AVEN: variants seen among roughly 807,000 people sequenced by gnomAD.
AVEN encodes cell death regulator Aven.
AVEN carries 41 observed loss-of-function variants against 38.1 expected under a neutral mutation model. The ratio of observed to expected loss-of-function variants is 1.08; its 90% CI spans 0.84 to 1.40. AVEN has a LOEUF of 1.40. AVEN is among the 40% of genes most tolerant of loss of function. The probability of loss-of-function intolerance (pLI) is 0.00; values close to 1 mark genes in which losing one functional copy is unlikely to be tolerated. For synonymous variants in AVEN, 206 were observed against 171.8 expected, an observed-to-expected ratio of 1.20 and a Z score of -1.56; for missense variants, 605 against 438.8, an observed-to-expected ratio of 1.38 and a Z score of -3.38.
Position 33,860,683 on chromosome 15 carries a change from C to G in AVEN, n.2730-1589G>C, listed in dbSNP as rs1429772353. 3.3e-6 allele frequency: 5 copies of G among 1,499,558 alleles called. No individual in the cohort carries two copies. The African/African-American group carries it at 4.2e-5, about 13-fold the overall frequency. The allele number at this position is 1,499,558 out of a possible 1,614,324, so 92.9% of individuals were successfully genotyped here. ...AGGTAATGTTACTCTAACTACTAAT[C>G]CCAGCTCTATTTTAATATCCCCAGA... On this transcript the variant is annotated intron_variant and non_coding_transcript_variant, in intron 11 of 11. Transcript: ENST00000675287.
chr15:33,982,416 A>G (rs1896192777), intron 2 of AVEN, among the ~76,000 whole-genome samples: 1 of 152,168 alleles, frequency 6.6e-6, no homozygotes, highest in Non-Finnish European at 1.5e-5. Flanking sequence ...TAAAAATTAA[A>G]AAAGGAAAAA....
At chr15:34,073,989 C>CTTTTTTTTTTTTTTTTTTTTTTTTT (rs5811818) in intron 1 of AVEN, among the ~76,000 whole-genome samples, 2 of 31,472 alleles carry the variant, frequency 6.4e-5, no homozygotes, top group Non-Finnish European at 9.9e-5. Context: ...TCTTCTTCTT[C>CTTTTTTTTTTTTTTTTTTTTTTTTT]TTTTTTTTTT....
At chr15:34,015,073 A>G (rs1897826205) in intron 1 of AVEN, among the ~76,000 whole-genome samples, 1 of 152,132 alleles carries the variant, frequency 6.6e-6, no homozygotes, top group African/African-American at 2.4e-5. Context: ...TCTCCCTTCT[A>G]AAAGCTGGGA....
intron 5 of AVEN, among the ~76,000 whole-genome samples, chr15:34,049,295 G>A (rs915169027): frequency 1.3e-5 from 2 of 152,156 alleles, no homozygotes; most frequent in African/African-American, 4.8e-5. Flanking sequence ...ATGCAAGGGA[G>A]CTATGAATCA....
intron 2 of AVEN, among the ~76,000 whole-genome samples, chr15:33,912,172 G>A (rs1892940928): frequency 6.6e-6 from 1 of 152,188 alleles, no homozygotes; most frequent in African/African-American, 2.4e-5. Context: ...AAAATAAGAT[G>A]TAACACTATC....
downstream of AVEN, chr15:33,864,779 G>A: frequency 9.2e-6 from 2 of 217,766 alleles, no homozygotes; most frequent in Non-Finnish European, 1.8e-5. Context: ...TCTGGATTCA[G>A]CATGCAATAA....
intron 1 of AVEN, among the ~76,000 whole-genome samples, chr15:34,008,238 T>C (rs1185752258): frequency 1.3e-5 from 2 of 151,726 alleles, no homozygotes; most frequent in African/African-American, 2.4e-5. Flanking sequence ...CTAGGCAACA[T>C]AGCAAGACCC....
the AVEN span, chr15:33,852,465 T>G: frequency 6.5e-6 from 1 of 154,478 alleles, no homozygotes; most frequent in Admixed American, 6.3e-5. Flanking sequence ...ATCCAACTCC[T>G]GGAGGAAAGC....
downstream of AVEN, among the ~76,000 whole-genome samples, chr15:33,855,419 G>C (rs1259877335): frequency 6.6e-6 from 1 of 152,216 alleles, no homozygotes; most frequent in East Asian, 1.9e-4. Flanking sequence ...GGCCAGGCTG[G>C]TCTCAAACGC....
chr15:33,917,447 TACAC>T (rs1332793070), intron 2 of AVEN, among the ~76,000 whole-genome samples: 2 of 148,014 alleles, frequency 1.4e-5, no homozygotes, highest in South Asian at 4.3e-4. Flanking sequence ...CACACATATA[TACAC>T]ACACACATAT....
At chr15:33,933,520 CACACAGAGAGAGAGAGAG>C (rs769922361) in intron 2 of AVEN, among the ~76,000 whole-genome samples, 4,889 of 79,616 alleles carry the variant, frequency 0.061, 120 homozygotes, top group East Asian at 0.13. Context: ...CACACACACA[CACACAGAGAGAGAGAGAG>C]AGAGAGAGAG....
intron 11 of AVEN, among the ~76,000 whole-genome samples, chr15:33,860,848 T>C (rs1887929674): frequency 6.6e-6 from 1 of 151,274 alleles, no homozygotes; most frequent in African/African-American, 2.5e-5. Context: ...CCTCCTCCAC[T>C]GTCCCACAAT....
intron 2 of AVEN, among the ~76,000 whole-genome samples, chr15:33,927,638 C>T (rs1893672332): frequency 6.6e-6 from 1 of 152,164 alleles, no homozygotes; most frequent in Non-Finnish European, 1.5e-5. Context: ...GCCCAAGGCA[C>T]ATATTCACAT....
chr15:33,916,210 G>A lies in AVEN; in HGVS notation c.446-40215C>T, dbSNP rs187127399. ...TTGAAAGCACCACCTCCTGGCAAGAGGCCAACCAACACAAAACTTGTGCAA... is the reference window on the plus strand; with the variant it reads ...TTGAAAGCACCACCTCCTGGCAAGAAGCCAACCAACACAAAACTTGTGCAA... On this transcript the variant is annotated intron_variant, in intron 2 of 5. Transcript: ENST00000306730. 3.2e-3 allele frequency among the ~76,000 whole-genome samples: 487 copies of A among 152,246 alleles called. 2 individuals are homozygous for A. The highest frequency in any genetic ancestry group is 0.011 in the African/African-American group (472 of 41,544).
At chr15:34,015,156 G>A (rs1399491702) in intron 1 of AVEN, among the ~76,000 whole-genome samples, 1 of 152,128 alleles carries the variant, frequency 6.6e-6, no homozygotes, top group Non-Finnish European at 1.5e-5. Flanking sequence ...GTTATCATAA[G>A]GAAAAAGATA....
intron 2 of AVEN, among the ~76,000 whole-genome samples, chr15:33,956,253 C>T (rs1032471286): frequency 1.3e-5 from 2 of 152,164 alleles, no homozygotes; most frequent in African/African-American, 4.8e-5. Flanking sequence ...AATGTGCTGG[C>T]CCTACCTTTC....
chr15:33,871,412 C>CA (rs1262931546), intron 3 of AVEN, among the ~76,000 whole-genome samples: 1 of 151,992 alleles, frequency 6.6e-6, no homozygotes, highest in Non-Finnish European at 1.5e-5. Context: ...ACTGAAAATA[C>CA]AAAAAATTAA....
intron 2 of AVEN, among the ~76,000 whole-genome samples, chr15:33,973,469 A>C (rs1338384080): frequency 1.3e-5 from 2 of 152,190 alleles, no homozygotes; most frequent in African/African-American, 4.8e-5. Context: ...AACTTCTGGT[A>C]ATACCTACAG....
intron 4 of AVEN, chr15:34,064,337 A>G: frequency 1.3e-6 from 2 of 1,595,226 alleles, no homozygotes; most frequent in Non-Finnish European, 1.7e-6. Context: ...ACTCCTCTCG[A>G]AAGAACAATG....
Sources: allele counts gnomAD v4.1 joint callset (sites outside exome capture counted in the v4.1 genomes callset), GRCh38; gene constraint gnomAD v4.1.1; transcripts MANE v1.5; gene names NCBI Gene and HGNC (gene_info 2026-07-23, HGNC 2026-07-21).